Variants in WDR7 observed in about 807,000 individuals in gnomAD.
The protein encoded by WDR7 is WD repeat domain 7.
In WDR7, 46 loss-of-function variants were observed where a neutral mutation model predicts 169.4. That is an observed-to-expected ratio of 0.27 (90% CI 0.21 to 0.35). The LOEUF (loss-of-function observed/expected upper bound fraction) is 0.35, where lower values mean the gene tolerates loss of function less well. Ranked by LOEUF, WDR7 falls within the 10% of genes least tolerant of loss-of-function variation. The pLI is 1.00. For missense variants in WDR7, 1,534 were observed against 1,859.3 expected, an observed-to-expected ratio of 0.83 and a Z score of 3.22; for synonymous variants, 612 against 666.8, an observed-to-expected ratio of 0.92 and a Z score of 1.27.
At chr18:57,026,881 G>A (rs1236038130) in intron 27 of WDR7, 123 bp from the exon 28 acceptor site, 3 of 1,005,330 alleles carry the variant, frequency 3.0e-6, no homozygotes, top group South Asian at 1.6e-5. Context: ...TTAAGAACAA[G>A]CTTAGGTGAA....
intron 1 of WDR7, among the ~76,000 whole-genome samples, chr18:56,665,590 A>G (rs2025002775): frequency 6.6e-6 from 1 of 152,130 alleles, no homozygotes. Context: ...CTCATACTGC[A>G]GTGTTCCATT....
intron 21 of WDR7, among the ~76,000 whole-genome samples, chr18:56,880,834 T>C (rs1256444416): frequency 1.3e-5 from 2 of 152,194 alleles, no homozygotes; most frequent in East Asian, 3.8e-4. Context: ...TAATAATAGG[T>C]AAGGGTGCTT....
intron 1 of WDR7, among the ~76,000 whole-genome samples, chr18:56,654,679 C>T (rs1310299476): frequency 1.3e-5 from 2 of 152,102 alleles, no homozygotes; most frequent in East Asian, 1.9e-4. Flanking sequence ...TTGATATAAT[C>T]AAATTAAAAA....
intron 20 of WDR7, among the ~76,000 whole-genome samples, chr18:56,859,980 A>G (rs933853021): frequency 8.5e-5 from 13 of 152,164 alleles, no homozygotes; most frequent in African/African-American, 3.1e-4. Context: ...TGATTCTAAG[A>G]TATTTTGAGA....
intron 20 of WDR7, among the ~76,000 whole-genome samples, chr18:56,876,861 C>A (rs999472822): frequency 4.0e-5 from 6 of 151,864 alleles, no homozygotes; most frequent in African/African-American, 1.5e-4. Flanking sequence ...AACAATGATA[C>A]AAAAGATCAA....
chr18:57,009,806 A>G, intron 26 of WDR7: 2 of 967,574 alleles, frequency 2.1e-6, no homozygotes, highest in Non-Finnish European at 2.5e-6. Context: ...CCCTAGCTTT[A>G]TAATCTACAT....
chr18:56,824,864 A>G (rs1021504693), intron 20 of WDR7, among the ~76,000 whole-genome samples: 2 of 149,014 alleles, frequency 1.3e-5, no homozygotes, highest in Non-Finnish European at 2.9e-5. Context: ...AAGAAAAGAT[A>G]GAACAAAAAC....
At position 56,686,004 on chromosome 18, in the gene WDR7, T is replaced by C; in HGVS notation, c.569T>C (p.Ile190Thr). 4 of 1,599,146 alleles carry C rather than the reference T, an allele frequency of 2.5e-6. No individual in the cohort carries two copies. The highest frequency in any genetic ancestry group is 3.4e-6 in the Non-Finnish European group (4 of 1,175,290). ...GTGACTGGCATCCTGAAGGTCTGGA[T>C]TGTTACCTCGGAAATAAGTGACATG... ...LSVTGILKVW[I>T]VTSEISDMQD... is the part of the protein sequence containing the mutation. The change falls in exon 6 of 28, where the codon ATT becomes ACT. Residue 190 changes from isoleucine (I) to threonine (T), a missense_variant. Coordinates refer to ENST00000254442, the MANE Select transcript of WDR7 (RefSeq NM_015285.3).
At chr18:56,937,885 A>G (rs1191253655) in intron 23 of WDR7, among the ~76,000 whole-genome samples, 3 of 152,206 alleles carry the variant, frequency 2.0e-5, no homozygotes, top group Admixed American at 1.3e-4. Flanking sequence ...CAATTAACAC[A>G]TATTTTGTAT....
intron 25 of WDR7, among the ~76,000 whole-genome samples, chr18:56,959,798 A>G (rs2047313186): frequency 6.6e-6 from 1 of 152,142 alleles, no homozygotes; most frequent in South Asian, 2.1e-4. Context: ...CAAGTAATGC[A>G]TCTTGCTCCT....
intron 5 of WDR7, among the ~76,000 whole-genome samples, chr18:56,684,867 CTAAGCA>C (rs2025414382): frequency 6.6e-6 from 1 of 152,138 alleles, no homozygotes; most frequent in African/African-American, 2.4e-5. Context: ...TGCTTTATTC[CTAAGCA>C]TAACAGTGAG....
At chr18:56,741,109 GGT>G (rs2043614810) in intron 14 of WDR7, among the ~76,000 whole-genome samples, 1 of 152,026 alleles carries the variant, frequency 6.6e-6, no homozygotes, top group Non-Finnish European at 1.5e-5. Context: ...GTGGCCTACA[GGT>G]CAATAGGGCC....
chr18:56,781,723 A>G, intron 19 of WDR7, 67 bp downstream of exon 19: 1 of 1,395,518 alleles, frequency 7.2e-7, no homozygotes, highest in African/African-American at 1.5e-5. Flanking sequence ...TGTACTCACA[A>G]ATATATATGC....
At chr18:56,887,994 G>C (rs1354957738) in intron 21 of WDR7, among the ~76,000 whole-genome samples, 4 of 151,600 alleles carry the variant, frequency 2.6e-5, no homozygotes, top group African/African-American at 9.7e-5. Context: ...CCTATTGAAT[G>C]AGAGAATAAT....
At chr18:56,922,447 T>A (rs1183350885) in intron 21 of WDR7, among the ~76,000 whole-genome samples, 2 of 152,230 alleles carry the variant, frequency 1.3e-5, no homozygotes, top group Non-Finnish European at 2.9e-5. Context: ...TTACCTTTTT[T>A]AAAGGAGTTT....
intron 19 of WDR7, among the ~76,000 whole-genome samples, chr18:56,798,575 C>G (rs1415388157): frequency 1.3e-5 from 2 of 152,068 alleles, no homozygotes; most frequent in Non-Finnish European, 1.5e-5. Context: ...AATTTGTTGC[C>G]TTTTCTCCAA....
chr18:56,897,968 C>G lies in WDR7; in HGVS notation c.3526+17803C>G, dbSNP rs114136810. Among the ~76,000 whole-genome samples the G allele has an allele frequency of 7.5e-3, 1,144 of 151,956 alleles. 11 individuals carry two copies. Among genetic ancestry groups the G allele is most frequent in the African/African-American group, 0.026 (1,094 of 41,490 alleles). ...GAGAGGGTCCAGGAGCAATGACACT[C>G]CAGTAGCAAAGTCCATACCTATAGC... is the stretch of plus-strand genomic sequence containing the variant. On this transcript the variant is annotated intron_variant, in intron 21 of 27. Transcript: ENST00000254442.
In WDR7 at chr18:56,779,563, G is replaced by C. The variant is rs376320608; in HGVS notation, c.3066+14G>C. ...CGATGCTTGGAGGTAATGCTAAAGT[G>C]ATAAGGATAGAAAACAAAAATATTA... On this transcript the variant is annotated intron_variant, in intron 18 of 27. Transcript: ENST00000254442. The C allele has an allele frequency of 2.1e-5, 33 of 1,598,848 alleles. No homozygotes were observed. The South Asian group carries it at 3.7e-4, about 18-fold the overall frequency.
At chr18:56,927,693 C>G (rs1253079484) in intron 22 of WDR7, among the ~76,000 whole-genome samples, 2 of 152,102 alleles carry the variant, frequency 1.3e-5, no homozygotes, top group Non-Finnish European at 2.9e-5. Context: ...TCTTTGAAAT[C>G]AAAATATCTA....
Sources: allele counts gnomAD v4.1 joint callset (sites outside exome capture counted in the v4.1 genomes callset), GRCh38; gene constraint gnomAD v4.1.1; transcripts MANE v1.5; gene names NCBI Gene and HGNC (gene_info 2026-07-23, HGNC 2026-07-21).